Variants in RBM19 observed in about 807,000 individuals in gnomAD.
RBM19 encodes probable RNA-binding protein 19.
Under a neutral mutation model 116.8 loss-of-function variants are expected in RBM19, and 94 were observed. The observed-to-expected ratio is 0.80, with a 90% CI of 0.68 to 0.95. The LOEUF is 0.95. Among genes scored for constraint, RBM19 ranks in the 40% least tolerant of loss-of-function variants. RBM19 has a pLI of 0.00. For missense variants in RBM19, 1,161 were observed against 1,220.7 expected (o/e 0.95, Z 0.73); for synonymous variants, 475 against 494.1 (o/e 0.96, Z 0.51).
chr12:113,961,734 C>G (rs998022589), intron 2 of RBM19, among the ~76,000 whole-genome samples: 6 of 152,366 alleles, frequency 3.9e-5, no homozygotes, highest in African/African-American at 1.4e-4. Context: ...TTTGTTCTCC[C>G]ACAGTCCCTG....
chr12:113,866,543 C>G (rs927904721), intron 21 of RBM19, among the ~76,000 whole-genome samples: 11 of 152,220 alleles, frequency 7.2e-5, no homozygotes, highest in African/African-American at 2.2e-4. Context: ...GGCTCCTGGC[C>G]TGGCTCTGCC....
At position 113,825,510 on chromosome 12, in the gene RBM19, C is replaced by T. The variant is rs1010443195; in HGVS notation, c.2786-2189G>A. Among the ~76,000 whole-genome samples the T allele has an allele frequency of 3.3e-5, 5 of 152,276 alleles. 1 individual carries two copies. The South Asian group carries it at 1.0e-3, about 32-fold the overall frequency. Reference sequence around the variant, plus strand: ...ATAGGAACTGGAAAATAGAACGCAACAAAACAGGGCCCACAGGCGATCACT... The same window carrying T: ...ATAGGAACTGGAAAATAGAACGCAATAAAACAGGGCCCACAGGCGATCACT... On this transcript the variant is annotated intron_variant, in intron 23 of 23. Coordinates refer to ENST00000261741, the MANE Select transcript of RBM19 (RefSeq NM_016196.4). The surrounding 1 kb of genome is among the most constrained non-coding windows in gnomAD (Gnocchi z 5.7).
At chr12:113,913,936 T>C (rs1882610098) in intron 21 of RBM19, among the ~76,000 whole-genome samples, 1 of 152,218 alleles carries the variant, frequency 6.6e-6, no homozygotes, top group Admixed American at 6.5e-5. Flanking sequence ...AGATGGTCTC[T>C]CTATTACCCT....
At chr12:113,823,380 G>T in intron 23 of RBM19, 59 bp from the exon 24 acceptor site, 1 of 1,474,230 alleles carries the variant, frequency 6.8e-7, no homozygotes, top group South Asian at 1.2e-5. Flanking sequence ...TTGGGAGGCA[G>T]GAAGAGAGAA....
Position 113,949,047 on chromosome 12 carries a change from G to A in RBM19, c.1073-11C>T, listed in dbSNP as rs761939163. ...CGATGTAGCGCCCACCTGCAATGAAGAGGAGTCAGGGCTCCAGGGGGAGGC... is the reference window on the plus strand; with the variant it reads ...CGATGTAGCGCCCACCTGCAATGAAAAGGAGTCAGGGCTCCAGGGGGAGGC... On this transcript the variant is annotated splice_polypyrimidine_tract_variant and intron_variant, in intron 9 of 23. Coordinates refer to ENST00000261741, the MANE Select transcript of RBM19 (RefSeq NM_016196.4). The A allele has an allele frequency of 1.2e-6, 2 of 1,608,380 alleles. No homozygotes were observed. The highest frequency in any genetic ancestry group is 2.2e-5 in the South Asian group (2 of 90,720).
chr12:113,875,192 C>A (rs1318114548), intron 21 of RBM19, among the ~76,000 whole-genome samples: 2 of 152,226 alleles, frequency 1.3e-5, no homozygotes, highest in Non-Finnish European at 2.9e-5. Context: ...CCTGCCAGTG[C>A]TCATGGGGAG....
intron 15 of RBM19, among the ~76,000 whole-genome samples, chr12:113,939,067 C>T (rs1458181154): frequency 1.3e-5 from 2 of 152,210 alleles, no homozygotes; most frequent in African/African-American, 2.4e-5. Context: ...TTTCATTCAT[C>T]TCATTGTAGC....
rs890848911 is a variant in RBM19 at position 113,903,678 on chromosome 12, CATTT to C, written c.2558+11287_2558+11290del. Among the ~76,000 whole-genome samples the C allele has an allele frequency of 2.0e-5, 3 of 152,180 alleles. No homozygotes were observed. Among genetic ancestry groups the C allele is most frequent in the African/African-American group, 7.2e-5 (3 of 41,440 alleles). On this transcript the variant is annotated intron_variant, in intron 21 of 23. Coordinates refer to ENST00000261741, the MANE Select transcript of RBM19 (RefSeq NM_016196.4). This position sits in a 1 kb window ranked among gnomAD's most constrained non-coding sequence, Gnocchi z 5.1. ...CCATCCTGACCGTTACATGTATATT[CATTT>C]GTTTGTACCCTCAGCAGAAATCTGA...
intron 21 of RBM19, among the ~76,000 whole-genome samples, chr12:113,889,048 C>T (rs942344355): frequency 6.6e-6 from 1 of 152,176 alleles, no homozygotes; most frequent in Non-Finnish European, 1.5e-5. Context: ...GCCCTCTCCC[C>T]GCATGCCAAC....
chr12:113,956,807 C>T (rs1871987406), intron 6 of RBM19, among the ~76,000 whole-genome samples: 1 of 152,128 alleles, frequency 6.6e-6, no homozygotes, highest in Non-Finnish European at 1.5e-5. Context: ...CCACCATTTC[C>T]CAGCCATGAC....
chr12:113,897,764 T>A (rs1881436747), intron 21 of RBM19, among the ~76,000 whole-genome samples: 1 of 152,210 alleles, frequency 6.6e-6, no homozygotes, highest in African/African-American at 2.4e-5. Flanking sequence ...GTACTGACCA[T>A]CTGAATCACT....
At chr12:113,933,105 TG>T (rs1869750241) in intron 16 of RBM19, among the ~76,000 whole-genome samples, 1 of 151,318 alleles carries the variant, frequency 6.6e-6, no homozygotes, top group African/African-American at 2.4e-5. Flanking sequence ...GTCTTGGTTG[TG>T]GGGAGATAAA....
chr12:113,871,070 C>G (rs1288416139), intron 21 of RBM19, among the ~76,000 whole-genome samples: 1 of 150,576 alleles, frequency 6.6e-6, no homozygotes, highest in African/African-American at 2.4e-5. Context: ...CACAGAGACT[C>G]AGGGAACAAG....
rs528508489 is a variant in RBM19 at position 113,915,096 on chromosome 12, G to C, written c.2442-11C>G. 28 of 1,605,956 alleles carry C rather than the reference G, an allele frequency of 1.7e-5. No homozygotes were observed. The highest frequency in any genetic ancestry group is 7.7e-5 in the South Asian group (7 of 90,906). On this transcript the variant is annotated splice_polypyrimidine_tract_variant and intron_variant, in intron 20 of 23. Coordinates refer to ENST00000261741, the MANE Select transcript of RBM19 (RefSeq NM_016196.4). ...AATGTCACGGCTGGCCTGGAGTGGTGGGGGGAGAGGGTCCAAGTTATTCGG... is the reference window on the plus strand; with the variant it reads ...AATGTCACGGCTGGCCTGGAGTGGTCGGGGGAGAGGGTCCAAGTTATTCGG...
intron 18 of RBM19, among the ~76,000 whole-genome samples, chr12:113,920,954 T>C (rs1367113537): frequency 2.0e-5 from 3 of 152,214 alleles, no homozygotes; most frequent in Admixed American, 2.0e-4. Context: ...AACTTCATAA[T>C]AGGATTCTGC....
intron 21 of RBM19, among the ~76,000 whole-genome samples, chr12:113,875,057 A>G (rs1593518412): frequency 6.6e-6 from 1 of 152,226 alleles, no homozygotes. Context: ...GACAGCCAAG[A>G]CACCTCTGCA....
At chr12:113,904,324 G>C (rs566853449) in intron 21 of RBM19, among the ~76,000 whole-genome samples, 22 of 152,096 alleles carry the variant, frequency 1.4e-4, no homozygotes, top group African/African-American at 5.3e-4. Flanking sequence ...ACATGAAAGA[G>C]TTAAAAAAAA....
At chr12:113,868,633 G>C (rs991697123) in intron 21 of RBM19, among the ~76,000 whole-genome samples, 2 of 152,166 alleles carry the variant, frequency 1.3e-5, no homozygotes, top group African/African-American at 2.4e-5. Flanking sequence ...CCCAAACAAG[G>C]AAAGCTATTA....
At chr12:113,946,572 C>T in intron 11 of RBM19, 97 bp from the exon 12 acceptor site, 1 of 1,532,204 alleles carries the variant, frequency 6.5e-7, no homozygotes, top group South Asian at 1.2e-5. Flanking sequence ...GTAAGCTGGA[C>T]CCAGCACTGA....
Sources: gnomAD v4.1 joint callset for allele counts (sites outside exome capture counted in the v4.1 genomes callset) on GRCh38, gnomAD v4.1.1 for gene constraint, Gnocchi (gnomAD v3.1) non-coding constraint, MANE v1.5 for transcripts, NCBI Gene and HGNC (gene_info 2026-07-23, HGNC 2026-07-21) for gene names.